Variants in DCUN1D4 observed in about 807,000 individuals in gnomAD.
The protein encoded by DCUN1D4 is DCN1-like protein 4.
DCUN1D4 carries 22 observed loss-of-function variants against 47.9 expected under a neutral mutation model. The ratio of observed to expected loss-of-function variants is 0.46; its 90% CI spans 0.33 to 0.66. The LOEUF is 0.66. Among genes scored for constraint, DCUN1D4 ranks in the 30% least tolerant of loss-of-function variants. The pLI is 0.02. For missense variants in DCUN1D4, 301 were observed against 340.8 expected, an observed-to-expected ratio of 0.88 and a Z score of 0.92; for synonymous variants, 121 against 112.2, an observed-to-expected ratio of 1.08 and a Z score of -0.50.
intron 1 of DCUN1D4, among the ~76,000 whole-genome samples, chr4:51,849,683 C>T (rs1723072549): frequency 6.6e-6 from 1 of 152,086 alleles, no homozygotes; most frequent in East Asian, 1.9e-4. Flanking sequence ...ACACACTAGC[C>T]CAGCCCACTG....
the DCUN1D4 span, among the ~76,000 whole-genome samples, chr4:51,836,124 T>A: frequency 1.5e-4 from 23 of 152,166 alleles, no homozygotes; most frequent in Admixed American, 8.5e-4. Context: ...CTGAGAGCCA[T>A]GGATTGTTCC....
At chr4:51,859,852 C>T (rs772157798) in intron 1 of DCUN1D4, among the ~76,000 whole-genome samples, 1 of 151,908 alleles carries the variant, frequency 6.6e-6, no homozygotes. Context: ...TTTGGAGAGC[C>T]GTCTGATCAT....
chr4:51,843,720 G>A lies in DCUN1D4; in HGVS notation c.25+453G>A, dbSNP rs1039950638. 5 of 1,224,044 alleles carry A rather than the reference G, an allele frequency of 4.1e-6. No homozygotes were observed. In the African/African-American group the frequency reaches 8.2e-5, roughly 20 times the overall value. 75.8% of individuals were successfully genotyped at this position (1,224,044 alleles called of 1,614,324 possible). A position where few individuals can be genotyped will look rare whatever the true frequency, so the allele number is the denominator to read the frequency against. On this transcript the variant is annotated intron_variant, in intron 1 of 10. Transcript: ENST00000334635. Reference sequence around the variant, plus strand: ...GGATTTCCAAAGGGCTGAGTGGTGCGGGCGGCTCCGTGAGAAAGGCGGGTG... The same window carrying A: ...GGATTTCCAAAGGGCTGAGTGGTGCAGGCGGCTCCGTGAGAAAGGCGGGTG...
At chr4:51,897,794 A>C (rs1731494215) in intron 7 of DCUN1D4, among the ~76,000 whole-genome samples, 1 of 152,240 alleles carries the variant, frequency 6.6e-6, no homozygotes, top group Admixed American at 6.5e-5. Flanking sequence ...AGCCAGCTTT[A>C]GGGGGCTACT....
intron 5 of DCUN1D4, among the ~76,000 whole-genome samples, chr4:51,880,726 C>G (rs1728464024): frequency 6.6e-6 from 1 of 152,196 alleles, no homozygotes; most frequent in Non-Finnish European, 1.5e-5. Context: ...CCCTTTCACA[C>G]TTTGGTACTT....
At chr4:51,876,838 A>T (rs1274519586) in intron 4 of DCUN1D4, among the ~76,000 whole-genome samples, 2 of 152,224 alleles carry the variant, frequency 1.3e-5, no homozygotes, top group Non-Finnish European at 2.9e-5. Flanking sequence ...TATTATTTTC[A>T]TATTCTTACA....
At chr4:51,896,042 A>G (rs904822763) in intron 7 of DCUN1D4, among the ~76,000 whole-genome samples, 2 of 152,072 alleles carry the variant, frequency 1.3e-5, no homozygotes, top group African/African-American at 4.8e-5. Flanking sequence ...CTGTTTCACT[A>G]TTGGGGGCCA....
chr4:51,846,442 C>T (rs1483001704), intron 1 of DCUN1D4, among the ~76,000 whole-genome samples: 1 of 152,176 alleles, frequency 6.6e-6, no homozygotes, highest in Non-Finnish European at 1.5e-5. Context: ...CCTACTGGCA[C>T]TTAATCATGT....
intron 1 of DCUN1D4, chr4:51,845,261 A>T (rs950794254): frequency 3.0e-6 from 3 of 985,320 alleles, no homozygotes; most frequent in South Asian, 4.7e-5. Flanking sequence ...TAACCCTTGT[A>T]ACGATAATAT....
In DCUN1D4 at chr4:51,881,682, A is replaced by G. The variant is rs567990087; in HGVS notation, c.343+3828A>G. On this transcript the variant is annotated intron_variant, in intron 5 of 10. Transcript: ENST00000334635. ...AGTTAAAAAAAAAAAAAAAAACAAGAAAAAAAAAACCTCTCTGTCTCAAAC... is the reference window on the plus strand; with the variant it reads ...AGTTAAAAAAAAAAAAAAAAACAAGGAAAAAAAAACCTCTCTGTCTCAAAC... Among the ~76,000 whole-genome samples the G allele has an allele frequency of 4.1e-5, 6 of 145,620 alleles. No individual in the cohort carries two copies. The South Asian group carries it at 1.1e-3, about 27-fold the overall frequency.
intron 5 of DCUN1D4, among the ~76,000 whole-genome samples, chr4:51,881,744 A>G (rs1728672804): frequency 6.6e-6 from 1 of 151,954 alleles, no homozygotes; most frequent in South Asian, 2.1e-4. Flanking sequence ...CCAGTGGTGT[A>G]TTTGTTAGCT....
At position 51,915,735 on chromosome 4, in the gene DCUN1D4, C is replaced by A. The variant is rs957798925; in HGVS notation, c.*2151C>A. The A allele has an allele frequency of 1.3e-5, 2 of 152,470 alleles. No homozygotes were observed. The highest frequency in any genetic ancestry group is 4.8e-5 in the African/African-American group (2 of 41,386). 9.4% of individuals were successfully genotyped at this position (152,470 alleles called of 1,614,324 possible). ...AAAATGCTGATAAGCACAGTTAATTCTAAAATGAGAGGATTGTTACAGGAG... is the reference window on the plus strand; with the variant it reads ...AAAATGCTGATAAGCACAGTTAATTATAAAATGAGAGGATTGTTACAGGAG... On this transcript the variant is annotated 3_prime_UTR_variant, in exon 11 of 11. Transcript: ENST00000334635.
intron 1 of DCUN1D4, among the ~76,000 whole-genome samples, chr4:51,848,735 G>C (rs901483615): frequency 1.3e-5 from 2 of 152,166 alleles, no homozygotes; most frequent in African/African-American, 4.8e-5. Context: ...CAATCATTGT[G>C]TGACAGTTTT....
At chr4:51,843,786 G>T (rs1721998878) in intron 1 of DCUN1D4, 3 of 555,428 alleles carry the variant, frequency 5.4e-6, no homozygotes, top group South Asian at 8.4e-5. Flanking sequence ...TGGGAAGAAG[G>T]GCTGGTTGGC....
rs548047506 is a variant in DCUN1D4 at position 51,843,227 on chromosome 4, T to A, written c.-16T>A. On this transcript the variant is annotated 5_prime_UTR_variant, in exon 1 of 11. Transcript: ENST00000334635. ...GCGGGAGCCTGGGCGGCGAGCCGGG[T>A]GTGAGCTGCCTGAAAATGCACTCGG... is the stretch of plus-strand genomic sequence containing the variant. The A allele has an allele frequency of 5.9e-4, 911 of 1,541,080 alleles. No individual in the cohort carries two copies. The highest frequency in any genetic ancestry group is 7.3e-4 in the Non-Finnish European group (833 of 1,143,528).
At chr4:51,898,028 A>C (rs1253917254) in intron 7 of DCUN1D4, among the ~76,000 whole-genome samples, 1 of 152,248 alleles carries the variant, frequency 6.6e-6, no homozygotes, top group African/African-American at 2.4e-5. Context: ...GGTATCACCA[A>C]TGGATGCTAT....
At chr4:51,867,782 C>T (rs978963159) in intron 3 of DCUN1D4, among the ~76,000 whole-genome samples, 1 of 152,250 alleles carries the variant, frequency 6.6e-6, no homozygotes, top group Non-Finnish European at 1.5e-5. Context: ...AGCCCAGCCT[C>T]CAGGCCTCAG....
At chr4:51,902,668 T>C (rs1732301534) in intron 8 of DCUN1D4, among the ~76,000 whole-genome samples, 1 of 152,206 alleles carries the variant, frequency 6.6e-6, no homozygotes, top group Admixed American at 6.5e-5. Context: ...GGATAGCATG[T>C]GGTTGGATCT....
At chr4:51,878,812 A>G (rs149389316) in intron 5 of DCUN1D4, among the ~76,000 whole-genome samples, 1 of 152,334 alleles carries the variant, frequency 6.6e-6, no homozygotes, top group African/African-American at 2.4e-5. Context: ...AGTGTTTATA[A>G]CTTGTTGTAA....
Sources: gnomAD v4.1 joint callset for allele counts (sites outside exome capture counted in the v4.1 genomes callset) on GRCh38, gnomAD v4.1.1 for gene constraint, MANE v1.5 for transcripts, NCBI Gene and HGNC (gene_info 2026-07-23, HGNC 2026-07-21) for gene names.